The following POU6F2 variants were observed in gnomAD, a reference collection of about 807,000 sequenced individuals.
POU6F2 encodes POU domain, class 6, transcription factor 2.
In POU6F2, 31 loss-of-function variants were observed where a neutral mutation model predicts 71.3. The observed-to-expected ratio is 0.43, with a 90% CI of 0.33 to 0.59. The LOEUF is 0.59. Ranked by LOEUF, POU6F2 falls within the 20% of genes least tolerant of loss-of-function variation. The pLI is 0.04. For synonymous variants in POU6F2, 347 were observed against 355.7 expected (o/e 0.98, Z 0.27); for missense variants, 783 against 856.8 (o/e 0.91, Z 1.07).
At chr7:39,004,048 G>T (rs960623651) in intron 1 of POU6F2, among the ~76,000 whole-genome samples, 1 of 151,974 alleles carries the variant, frequency 6.6e-6, no homozygotes, top group African/African-American at 2.4e-5. Flanking sequence ...ACATATAAAC[G>T]TTTATATATA....
At position 39,339,975 on chromosome 7, in the gene POU6F2, A is replaced by G. The variant is rs772980408; in HGVS notation, c.932A>G (p.His311Arg). Residue 311 changes from histidine (H) to arginine (R), a missense_variant, in exon 5 of 10, where the codon CAT becomes CGT. This residue lies in a region of POU6F2 where 572 missense variants were observed against 572.9 expected (regional missense o/e 1.00). Transcript: ENST00000518318. ...PPQKPSQSPG[H>R]GLPSPLTPPN... is the part of the protein sequence containing the mutation. ...CAGAAACCTAGTCAGTCTCCAGGAC[A>G]TGGCCTGCCTTCACCGCTCACGCCA... The G allele has an allele frequency of 6.2e-7, 1 of 1,613,432 alleles. No individual in the cohort carries two copies. Among genetic ancestry groups the G allele is most frequent in the Non-Finnish European group, 8.5e-7 (1 of 1,179,424 alleles).
In POU6F2 at chr7:39,412,778, C is replaced by CTTTTTTTTTTTTTTTTTTTTT. The variant is rs1166811956; in HGVS notation, c.1113+6059_1113+6079dup. On this transcript the variant is annotated intron_variant, in intron 6 of 9. Coordinates refer to ENST00000518318, the MANE Select transcript of POU6F2 (RefSeq NM_001370959.1). ...TCCGTATTAGCTTCAGTTTTCTTGC[C>CTTTTTTTTTTTTTTTTTTTTT]TTTTTTTTTTTTTTTTTTTTTTTTT... 2.6e-4 allele frequency among the ~76,000 whole-genome samples: 6 copies of CTTTTTTTTTTTTTTTTTTTTT among 23,192 alleles called. 3 individuals carry two copies. Among genetic ancestry groups the CTTTTTTTTTTTTTTTTTTTTT allele is most frequent in the African/African-American group, 2.3e-4 (2 of 8,562 alleles). 15.2% of individuals were successfully genotyped at this position (23,192 alleles called of 152,430 possible). A position where few individuals can be genotyped will look rare whatever the true frequency, so the allele number is the denominator to read the frequency against.
At chr7:39,116,344 C>T (rs1320484930) in intron 2 of POU6F2, among the ~76,000 whole-genome samples, 2 of 152,098 alleles carry the variant, frequency 1.3e-5, no homozygotes, top group African/African-American at 2.4e-5. Flanking sequence ...GTGATCATGC[C>T]ACTGTACTCC....
At chr7:39,453,641 CT>C (rs1788713341) in intron 8 of POU6F2, among the ~76,000 whole-genome samples, 1 of 152,220 alleles carries the variant, frequency 6.6e-6, no homozygotes, top group Non-Finnish European at 1.5e-5. Context: ...TCTCTAGTCA[CT>C]TGTCACAGCT....
chr7:39,456,253 C>T (rs771879585), intron 8 of POU6F2, among the ~76,000 whole-genome samples: 1 of 152,124 alleles, frequency 6.6e-6, no homozygotes, highest in Non-Finnish European at 1.5e-5. Context: ...TTAAAATGAA[C>T]CCAACCTCCC....
At chr7:39,292,816 G>A (rs765192051) in intron 4 of POU6F2, among the ~76,000 whole-genome samples, 1 of 152,114 alleles carries the variant, frequency 6.6e-6, no homozygotes, top group Non-Finnish European at 1.5e-5. Context: ...CACTGGGAAC[G>A]TTAAGCTGTT....
intron 3 of POU6F2, among the ~76,000 whole-genome samples, chr7:39,205,246 C>T (rs549968801): frequency 6.6e-6 from 1 of 152,174 alleles, no homozygotes; most frequent in South Asian, 2.1e-4. Flanking sequence ...CTCTCAGGAA[C>T]AGGATTTTTG....
intron 6 of POU6F2, among the ~76,000 whole-genome samples, chr7:39,415,638 T>G (rs1483538569): frequency 6.6e-6 from 1 of 152,244 alleles, no homozygotes; most frequent in East Asian, 1.9e-4. Flanking sequence ...GACTTCTTAC[T>G]GTGTGCAAAG....
intron 2 of POU6F2, among the ~76,000 whole-genome samples, chr7:39,134,267 G>A (rs1442627116): frequency 6.6e-6 from 1 of 152,152 alleles, no homozygotes; most frequent in Non-Finnish European, 1.5e-5. Context: ...TAAGGCAGTG[G>A]TTTTTAGCAT....
At chr7:39,446,024 T>A (rs1245382000) in intron 7 of POU6F2, among the ~76,000 whole-genome samples, 1 of 152,226 alleles carries the variant, frequency 6.6e-6, no homozygotes, top group African/African-American at 2.4e-5. Context: ...CAGTGATCTG[T>A]GCTCTAACAG....
intron 4 of POU6F2, among the ~76,000 whole-genome samples, chr7:39,271,252 G>T (rs1214766103): frequency 6.6e-6 from 1 of 152,110 alleles, no homozygotes; most frequent in East Asian, 1.9e-4. Context: ...AGTTTTATTG[G>T]AACCCAGTCT....
intron 2 of POU6F2, among the ~76,000 whole-genome samples, chr7:39,096,106 T>G (rs1209643290): frequency 1.3e-5 from 2 of 152,168 alleles, no homozygotes; most frequent in Non-Finnish European, 2.9e-5. Flanking sequence ...GATGAGTAAC[T>G]TCACATCAGT....
At chr7:39,137,298 A>G (rs1309322640) in intron 2 of POU6F2, among the ~76,000 whole-genome samples, 1 of 152,184 alleles carries the variant, frequency 6.6e-6, no homozygotes, top group African/African-American at 2.4e-5. Flanking sequence ...AGGAAAGTTA[A>G]GAAGCCAGGT....
rs184973089 is a variant in POU6F2 at position 39,238,873 on chromosome 7, A to G, written c.598+31253A>G. ...AGTACAGTAATAAAAAGAATGAGCT[A>G]TTGCTACACACAGAAACGTGGGACC... On this transcript the variant is annotated intron_variant, in intron 4 of 9. Coordinates refer to ENST00000518318, the MANE Select transcript of POU6F2 (RefSeq NM_001370959.1). Among the ~76,000 whole-genome samples the G allele has an allele frequency of 2.1e-3, 315 of 152,308 alleles. 2 individuals carry two copies. The highest frequency in any genetic ancestry group is 0.015 in the South Asian group (71 of 4,832).
intron 7 of POU6F2, among the ~76,000 whole-genome samples, chr7:39,444,183 A>C (rs1022089888): frequency 7.3e-6 from 1 of 136,792 alleles, no homozygotes; most frequent in Non-Finnish European, 1.5e-5. Context: ...AAATGTAAAC[A>C]GTATTTTTTT....
chr7:39,183,910 G>A (rs191661970), intron 2 of POU6F2, among the ~76,000 whole-genome samples: 1 of 152,124 alleles, frequency 6.6e-6, no homozygotes, highest in East Asian at 1.9e-4. Context: ...ATTATATCAT[G>A]CTCCAAGCCA....
intron 2 of POU6F2, among the ~76,000 whole-genome samples, chr7:39,089,754 T>C (rs1197624468): frequency 6.6e-6 from 1 of 152,198 alleles, no homozygotes; most frequent in Non-Finnish European, 1.5e-5. Context: ...TGCTAAAGTT[T>C]TCCCATGCAC....
chr7:39,059,883 G>C (rs568475908), intron 1 of POU6F2, among the ~76,000 whole-genome samples: 1 of 152,174 alleles, frequency 6.6e-6, no homozygotes, highest in African/African-American at 2.4e-5. Context: ...GCTACAACAG[G>C]GATGAACCTT....
intron 5 of POU6F2, among the ~76,000 whole-genome samples, chr7:39,390,191 T>G (rs1056336451): frequency 5.9e-5 from 9 of 151,910 alleles, no homozygotes; most frequent in African/African-American, 2.2e-4. Flanking sequence ...AAGTCAGGAG[T>G]TCGAGACCAG....
Sources: allele counts gnomAD v4.1 joint callset (sites outside exome capture counted in the v4.1 genomes callset), GRCh38; gene constraint gnomAD v4.1.1; regional missense constraint gnomAD v4.1.1; transcripts MANE v1.5; gene names NCBI Gene and HGNC (gene_info 2026-07-23, HGNC 2026-07-21).